ARHGAP10: variants seen among roughly 807,000 people sequenced by gnomAD.
The protein encoded by ARHGAP10 is rho GTPase-activating protein 10.
Under a neutral mutation model 108.6 loss-of-function variants are expected in ARHGAP10, and 87 were observed. The observed-to-expected ratio is 0.80, with a 90% confidence interval of 0.67 to 0.96. The LOEUF is 0.96. ARHGAP10 is among the 40% of genes least tolerant of loss of function. ARHGAP10 has a pLI of 0.00. For missense variants in ARHGAP10, 939 were observed against 954.5 expected (o/e 0.98, Z 0.21); for synonymous variants, 347 against 341.1 (o/e 1.02, Z -0.19).
chr4:147,950,821 G>T (rs1738570903), intron 15 of ARHGAP10, among the ~76,000 whole-genome samples: 1 of 152,094 alleles, frequency 6.6e-6, no homozygotes, highest in Admixed American at 6.5e-5. Flanking sequence ...GCAGTTTTCT[G>T]TTGTGAGGGG....
chr4:147,888,154 AC>A (rs1263186491), intron 10 of ARHGAP10, among the ~76,000 whole-genome samples: 3 of 151,598 alleles, frequency 2.0e-5, no homozygotes, highest in Admixed American at 6.6e-5. Context: ...CATTTCCCAG[AC>A]CCCTGGATGT....
chr4:147,914,565 C>A (rs1262241542), intron 13 of ARHGAP10, among the ~76,000 whole-genome samples: 36 of 110,740 alleles, frequency 3.3e-4, no homozygotes, highest in Admixed American at 6.8e-4. Context: ...CTCCCCCCCC[C>A]CCCTTTTTTT....
chr4:147,945,045 G>T (rs886974261), intron 14 of ARHGAP10, among the ~76,000 whole-genome samples: 7 of 152,158 alleles, frequency 4.6e-5, no homozygotes, highest in Admixed American at 2.6e-4. Flanking sequence ...AGTTCAGATA[G>T]GTTTGCAACT....
At chr4:147,982,015 A>G (rs1739826328) in intron 18 of ARHGAP10, among the ~76,000 whole-genome samples, 2 of 152,102 alleles carry the variant, frequency 1.3e-5, no homozygotes, top group Non-Finnish European at 2.9e-5. Context: ...TTAAAATTCA[A>G]TTTGCCACCC....
At chr4:147,852,648 G>T (rs147162744) in intron 4 of ARHGAP10, among the ~76,000 whole-genome samples, 11 of 150,818 alleles carry the variant, frequency 7.3e-5, no homozygotes, top group Admixed American at 4.6e-4. Flanking sequence ...ACCATGGGCC[G>T]ATTGACGTAA....
chr4:147,897,823 A>G (rs1235290393), intron 10 of ARHGAP10, among the ~76,000 whole-genome samples: 2 of 152,174 alleles, frequency 1.3e-5, no homozygotes, highest in Non-Finnish European at 1.5e-5. Context: ...ACATACAGGT[A>G]TATGCATACA....
At chr4:148,047,992 T>A (rs964531452) in intron 20 of ARHGAP10, among the ~76,000 whole-genome samples, 4 of 151,978 alleles carry the variant, frequency 2.6e-5, no homozygotes, top group African/African-American at 9.7e-5. Flanking sequence ...CCAGCTAATT[T>A]TTATAGTTTT....
intron 13 of ARHGAP10, among the ~76,000 whole-genome samples, chr4:147,918,629 C>G (rs1188559020): frequency 6.6e-6 from 1 of 152,196 alleles, no homozygotes. Flanking sequence ...GACTTAGGGG[C>G]CCTTCATCTC....
chr4:147,903,658 C>T (rs1030873717), intron 10 of ARHGAP10, among the ~76,000 whole-genome samples: 1 of 152,184 alleles, frequency 6.6e-6, no homozygotes, highest in Non-Finnish European at 1.5e-5. Flanking sequence ...TTTTTACTGT[C>T]TCTGTAGTTT....
At chr4:147,883,698 T>C (rs1735429563) in intron 10 of ARHGAP10, among the ~76,000 whole-genome samples, 1 of 152,132 alleles carries the variant, frequency 6.6e-6, no homozygotes, top group South Asian at 2.1e-4. Context: ...TTTTCTTTTT[T>C]CTTTCTTTTT....
At chr4:147,902,749 A>G (rs969705934) in intron 10 of ARHGAP10, among the ~76,000 whole-genome samples, 1 of 152,078 alleles carries the variant, frequency 6.6e-6, no homozygotes. Flanking sequence ...TCAAAAATAA[A>G]GAAGGGGAGG....
intron 5 of ARHGAP10, among the ~76,000 whole-genome samples, chr4:147,858,910 C>G (rs1045021938): frequency 1.3e-5 from 2 of 152,202 alleles, no homozygotes; most frequent in African/African-American, 4.8e-5. Context: ...TTGGCCCTTT[C>G]TCTTACACTC....
At chr4:147,832,602 G>A (rs1348456213) in intron 3 of ARHGAP10, among the ~76,000 whole-genome samples, 3 of 120,392 alleles carry the variant, frequency 2.5e-5, no homozygotes, top group Non-Finnish European at 4.8e-5. Flanking sequence ...AGCTGAAATC[G>A]TGCCACTGCA....
At chr4:147,903,080 G>T (rs1354793769) in intron 10 of ARHGAP10, among the ~76,000 whole-genome samples, 1 of 152,164 alleles carries the variant, frequency 6.6e-6, no homozygotes, top group East Asian at 1.9e-4. Flanking sequence ...TGCTACATGA[G>T]ATTTGGGTGG....
chr4:147,799,869 T>C (rs1579061298), intron 1 of ARHGAP10, among the ~76,000 whole-genome samples: 1 of 152,144 alleles, frequency 6.6e-6, no homozygotes, highest in Non-Finnish European at 1.5e-5. Flanking sequence ...GTATGGTGGG[T>C]GATTTTTGAC....
chr4:147,949,864 GTTC>G (rs1482509681), intron 15 of ARHGAP10, among the ~76,000 whole-genome samples: 9 of 152,202 alleles, frequency 5.9e-5, no homozygotes, highest in Admixed American at 1.3e-4. Flanking sequence ...ATTCCGTATG[GTTC>G]TTTTCTTTTG....
intron 18 of ARHGAP10, among the ~76,000 whole-genome samples, chr4:147,975,406 C>T (rs1040474821): frequency 6.6e-6 from 1 of 152,074 alleles, no homozygotes; most frequent in Non-Finnish European, 1.5e-5. Context: ...TATGTGTTTC[C>T]CATATGTCTT....
intron 19 of ARHGAP10, among the ~76,000 whole-genome samples, chr4:148,027,419 A>G (rs375201445): frequency 6.6e-6 from 1 of 152,212 alleles, no homozygotes; most frequent in Non-Finnish European, 1.5e-5. Context: ...TGGATCACGA[A>G]TGTGCTAACT....
intron 14 of ARHGAP10, 108 bp from the exon 15 acceptor site, chr4:147,946,509 G>T: frequency 1.3e-6 from 1 of 759,018 alleles, no homozygotes; most frequent in East Asian, 2.7e-5. Flanking sequence ...CTAGGAAACT[G>T]CAGGATTGTG....
Sources: allele counts gnomAD v4.1 joint callset (sites outside exome capture counted in the v4.1 genomes callset), GRCh38; gene constraint gnomAD v4.1.1; transcripts MANE v1.5; gene names NCBI Gene and HGNC (gene_info 2026-07-23, HGNC 2026-07-21).